The following PRDM5 variants were observed in gnomAD, a reference collection of about 807,000 sequenced individuals.
PRDM5 encodes PR/SET domain 5.
In PRDM5, 56 loss-of-function variants were observed where a neutral mutation model predicts 81.2. The observed-to-expected ratio is 0.69, with a 90% CI of 0.56 to 0.86. The LOEUF (loss-of-function observed/expected upper bound fraction) is 0.86. Ranked by LOEUF, PRDM5 falls within the 40% of genes least tolerant of loss-of-function variation. The pLI is 0.00. For missense variants in PRDM5, 697 were observed against 770.1 expected, an observed-to-expected ratio of 0.91 and a Z score of 1.12; for synonymous variants, 267 against 256.4, an observed-to-expected ratio of 1.04 and a Z score of -0.39.
chr4:120,808,159 G>A (rs1753275992), intron 8 of PRDM5, among the ~76,000 whole-genome samples: 1 of 152,140 alleles, frequency 6.6e-6, no homozygotes, highest in South Asian at 2.1e-4. Flanking sequence ...GGTTGCCACT[G>A]CTGGCTGGGG....
intron 12 of PRDM5, among the ~76,000 whole-genome samples, chr4:120,778,015 G>T (rs532310509): frequency 1.9e-4 from 29 of 152,166 alleles, no homozygotes; most frequent in Middle Eastern, 6.8e-3. Flanking sequence ...GACCAGTTTT[G>T]CTCCCAACAT....
chr4:120,772,170 G>A (rs17348167), intron 13 of PRDM5, among the ~76,000 whole-genome samples: 14,748 of 152,054 alleles, frequency 0.097, 909 homozygotes, highest in South Asian at 0.2. Flanking sequence ...TACTAATCAC[G>A]GCAACTCTCT....
At chr4:120,710,196 C>T (rs971520246) in intron 15 of PRDM5, 113 bp downstream of exon 15, 15 of 892,238 alleles carry the variant, frequency 1.7e-5, no homozygotes, top group Non-Finnish European at 2.7e-5. Context: ...TAGGCACATT[C>T]CAGCAATGCA....
At chr4:120,906,254 C>T (rs1765779627) in intron 2 of PRDM5, among the ~76,000 whole-genome samples, 1 of 152,258 alleles carries the variant, frequency 6.6e-6, no homozygotes, top group East Asian at 1.9e-4. Context: ...TAGGCACAAG[C>T]CACTGTGCCT....
chr4:120,856,004 TTC>T (rs1759836748), intron 2 of PRDM5, among the ~76,000 whole-genome samples: 1 of 152,222 alleles, frequency 6.6e-6, no homozygotes, highest in Admixed American at 6.5e-5. Flanking sequence ...GAAGAAATAT[TTC>T]TCTGTGACTT....
chr4:120,742,655 G>A (rs141830970), intron 14 of PRDM5, among the ~76,000 whole-genome samples: 4,923 of 152,240 alleles, frequency 0.032, 242 homozygotes, highest in African/African-American at 0.11. Context: ...GAGCCGAAGC[G>A]ATCAACTGGA....
At chr4:120,684,438 C>T (rs570363946), downstream of PRDM5, among the ~76,000 whole-genome samples, 6 of 152,000 alleles carry the variant, frequency 3.9e-5, no homozygotes, top group African/African-American at 9.6e-5. Context: ...GAGTCTCTAA[C>T]GATAGCAAGA....
intron 1 of PRDM5, among the ~76,000 whole-genome samples, chr4:120,918,312 G>A (rs929819395): frequency 6.6e-6 from 1 of 152,144 alleles, no homozygotes; most frequent in Non-Finnish European, 1.5e-5. Context: ...CTTTTCCTCT[G>A]ATTATGTTTC....
chr4:120,916,972 A>G (rs926023717), intron 1 of PRDM5, among the ~76,000 whole-genome samples: 3 of 152,184 alleles, frequency 2.0e-5, no homozygotes, highest in Non-Finnish European at 4.4e-5. Context: ...ACTTTTCTCA[A>G]CAGAACAGCC....
chr4:120,899,966 C>T (rs1459212132), intron 2 of PRDM5, among the ~76,000 whole-genome samples: 1 of 152,142 alleles, frequency 6.6e-6, no homozygotes, highest in Non-Finnish European at 1.5e-5. Flanking sequence ...CCAAAGAATA[C>T]AGGTGAACAG....
intron 2 of PRDM5, among the ~76,000 whole-genome samples, chr4:120,877,039 T>C (rs1323305130): frequency 6.6e-6 from 1 of 152,166 alleles, no homozygotes; most frequent in Non-Finnish European, 1.5e-5. Flanking sequence ...ACATATTATA[T>C]TTTTTATTAC....
intron 14 of PRDM5, among the ~76,000 whole-genome samples, chr4:120,736,368 T>C (rs576986202): frequency 1.4e-3 from 217 of 152,212 alleles, no homozygotes; most frequent in African/African-American, 4.9e-3. Context: ...TTCTTTTCAT[T>C]TGGACAGGCA....
chr4:120,690,182 T>C (rs1330503608), downstream of PRDM5, among the ~76,000 whole-genome samples: 1 of 152,236 alleles, frequency 6.6e-6, no homozygotes, highest in Non-Finnish European at 1.5e-5. Context: ...GGGGTCAATG[T>C]ACTTCATGTT....
chr4:120,840,001 G>A (rs561839368), intron 3 of PRDM5, among the ~76,000 whole-genome samples: 111 of 152,334 alleles, frequency 7.3e-4, no homozygotes, highest in African/African-American at 2.4e-3. Context: ...CAGAGTAGGC[G>A]CTGACAGCTG....
chr4:120,874,153 C>A (rs187758227), intron 2 of PRDM5, among the ~76,000 whole-genome samples: 1 of 152,082 alleles, frequency 6.6e-6, no homozygotes, highest in African/African-American at 2.4e-5. Flanking sequence ...ATACAATATA[C>A]TGTTGTTTAT....
chr4:120,690,659 T>C (rs1474850233), downstream of PRDM5, among the ~76,000 whole-genome samples: 1 of 152,116 alleles, frequency 6.6e-6, no homozygotes, highest in Non-Finnish European at 1.5e-5. Context: ...AAAATAGTAA[T>C]GGAGTGATTC....
chr4:120,915,451 G>C (rs1233154708), intron 1 of PRDM5, among the ~76,000 whole-genome samples: 1 of 118,466 alleles, frequency 8.4e-6, no homozygotes, highest in Non-Finnish European at 1.7e-5. Context: ...ATGTGAGAGA[G>C]GTTTGGGAAC....
chr4:120,872,619 T>G (rs1312239556), intron 2 of PRDM5, among the ~76,000 whole-genome samples: 2 of 152,118 alleles, frequency 1.3e-5, no homozygotes, highest in African/African-American at 4.8e-5. Context: ...CCAGTGGTGG[T>G]GGTGCACACT....
In PRDM5 at chr4:120,879,153, A is replaced by T. The variant is rs973265408; in HGVS notation, c.178-25613T>A. Reference sequence around the variant, plus strand: ...TTAGAAGCAATCAAAATGTCCCTCAATAAGTGAATGGATAAAGGAACTGTG... The same window carrying T: ...TTAGAAGCAATCAAAATGTCCCTCATTAAGTGAATGGATAAAGGAACTGTG... On this transcript the variant is annotated intron_variant, in intron 2 of 15. Coordinates refer to ENST00000264808, the MANE Select transcript of PRDM5 (RefSeq NM_018699.4). Among the ~76,000 whole-genome samples, 62 of 152,216 alleles carry T rather than the reference A, an allele frequency of 4.1e-4. 1 individual carries two copies. The highest frequency in any genetic ancestry group is 2.5e-4 in the Non-Finnish European group (17 of 68,032).
Sources: gnomAD v4.1 joint callset for allele counts (sites outside exome capture counted in the v4.1 genomes callset) on GRCh38, gnomAD v4.1.1 for gene constraint, MANE v1.5 for transcripts, NCBI Gene and HGNC (gene_info 2026-07-23, HGNC 2026-07-21) for gene names.